Variants in ZCWPW2 observed in about 807,000 individuals in gnomAD.
ZCWPW2 encodes the protein zinc finger CW-type PWWP domain protein 2.
A neutral mutation model predicts 46.6 loss-of-function variants in ZCWPW2; 45 were observed. The ratio of observed to expected loss-of-function variants is 0.96; its 90% CI spans 0.76 to 1.24. ZCWPW2 has a LOEUF of 1.24. Ranked by LOEUF, ZCWPW2 falls within the 50% of genes most tolerant of loss-of-function variation. The pLI, the probability that ZCWPW2 is intolerant of heterozygous loss-of-function variation, is 0.00. For synonymous variants in ZCWPW2, 152 were observed against 137.1 expected (o/e 1.11, Z -0.76); for missense variants, 429 against 403.9 (o/e 1.06, Z -0.53).
intron 6 of ZCWPW2, among the ~76,000 whole-genome samples, chr3:28,505,235 G>T (rs1700244631): frequency 6.6e-6 from 1 of 152,118 alleles, no homozygotes; most frequent in Admixed American, 6.6e-5. Flanking sequence ...AATCCACAGT[G>T]CTTTATTGTA....
At chr3:28,483,227 C>A (rs1254282616) in intron 5 of ZCWPW2, among the ~76,000 whole-genome samples, 1 of 152,132 alleles carries the variant, frequency 6.6e-6, no homozygotes, top group Non-Finnish European at 1.5e-5. Context: ...TGTTCCTGCA[C>A]CACTGGTTGA....
At chr3:28,507,821 T>C (rs986091984) in intron 6 of ZCWPW2, among the ~76,000 whole-genome samples, 3 of 152,174 alleles carry the variant, frequency 2.0e-5, no homozygotes, top group Non-Finnish European at 4.4e-5. Context: ...ACTATATTTT[T>C]TCTGCTTTAT....
At position 28,492,056 on chromosome 3, in the gene ZCWPW2, T is replaced by A. The variant is rs184123335; in HGVS notation, c.611-71T>A. 3.5e-6 allele frequency: 5 copies of A among 1,424,576 alleles called. No homozygotes were observed. In the African/African-American group the frequency reaches 7.1e-5, roughly 20 times the overall value. The allele number at this position is 1,424,576 out of a possible 1,614,324, so 88.2% of individuals were successfully genotyped here. A position where few individuals can be genotyped will look rare whatever the true frequency, so the allele number is the denominator to read the frequency against. ...ATGAGAAAGTAGAAAATTCTAATTG[T>A]GTAATTCAGTATTTATTTGAACAGG... On this transcript the variant is annotated intron_variant, in intron 5 of 9. Transcript: ENST00000383768.
intron 6 of ZCWPW2, among the ~76,000 whole-genome samples, chr3:28,497,007 T>C (rs1209813965): frequency 1.3e-5 from 2 of 150,186 alleles, no homozygotes; most frequent in South Asian, 2.1e-4. Flanking sequence ...CATTATATAA[T>C]ACATTATTTA....
intron 2 of ZCWPW2, among the ~76,000 whole-genome samples, chr3:28,391,376 CAT>C (rs1045170446): frequency 8.6e-5 from 8 of 92,726 alleles, no homozygotes; most frequent in South Asian, 8.5e-4. Flanking sequence ...CACACACACA[CAT>C]GCACACACAC....
chr3:28,465,509 C>T (rs930133014), intron 4 of ZCWPW2, among the ~76,000 whole-genome samples: 1 of 151,980 alleles, frequency 6.6e-6, no homozygotes, highest in Non-Finnish European at 1.5e-5. Flanking sequence ...CAACATCTCA[C>T]GAAAAGAACA....
chr3:28,520,907 TCTTCTTTC>T, intron 8 of ZCWPW2, 77 bp from the exon 9 acceptor site: 1 of 1,502,544 alleles, frequency 6.7e-7, no homozygotes, highest in Non-Finnish European at 9.1e-7. Context: ...TTAAAAGATT[TCTTCTTTC>T]TGGGTAGTTA....
chr3:28,399,747 G>T (rs1559488833), intron 2 of ZCWPW2, among the ~76,000 whole-genome samples: 1 of 152,136 alleles, frequency 6.6e-6, no homozygotes, highest in Non-Finnish European at 1.5e-5. Flanking sequence ...CTACATCAAG[G>T]TAATACCCCA....
chr3:28,499,868 T>A (rs571401096), intron 6 of ZCWPW2, among the ~76,000 whole-genome samples: 2 of 152,144 alleles, frequency 1.3e-5, no homozygotes, highest in Non-Finnish European at 2.9e-5. Context: ...TTTGTTGATA[T>A]GTTACAAACA....
chr3:28,469,720 A>C (rs1698967066), intron 4 of ZCWPW2, among the ~76,000 whole-genome samples: 1 of 151,416 alleles, frequency 6.6e-6, no homozygotes, highest in South Asian at 2.1e-4. Flanking sequence ...GTGTATATAT[A>C]TATGATATAT....
At chr3:28,411,473 A>C (rs1696396361) in intron 2 of ZCWPW2, among the ~76,000 whole-genome samples, 1 of 152,140 alleles carries the variant, frequency 6.6e-6, no homozygotes, top group African/African-American at 2.4e-5. Context: ...ATTAGAAAAA[A>C]AAAAATCTAC....
intron 4 of ZCWPW2, among the ~76,000 whole-genome samples, chr3:28,468,044 T>C (rs1014009213): frequency 5.3e-5 from 8 of 152,140 alleles, no homozygotes; most frequent in African/African-American, 1.9e-4. Context: ...ATAGCTGTTT[T>C]GAGGAACTCA....
At chr3:28,490,391 T>C (rs1480762310) in intron 5 of ZCWPW2, among the ~76,000 whole-genome samples, 4 of 152,184 alleles carry the variant, frequency 2.6e-5, no homozygotes, top group African/African-American at 9.7e-5. Context: ...GCAGCACTAT[T>C]TTCAATAGCA....
intron 4 of ZCWPW2, among the ~76,000 whole-genome samples, chr3:28,451,756 A>G (rs1698233902): frequency 6.6e-6 from 1 of 152,234 alleles, no homozygotes; most frequent in South Asian, 2.1e-4. Flanking sequence ...TTATAGCTTC[A>G]TCATCTGGCA....
chr3:28,432,881 A>G (rs184063640), intron 3 of ZCWPW2, among the ~76,000 whole-genome samples: 75 of 152,292 alleles, frequency 4.9e-4, no homozygotes, highest in Non-Finnish European at 4.9e-4. Context: ...GTTTTATTTC[A>G]CTGAAAGCAC....
intron 1 of ZCWPW2, among the ~76,000 whole-genome samples, chr3:28,349,933 T>G (rs1283174943): frequency 1.3e-5 from 2 of 152,194 alleles, no homozygotes; most frequent in Non-Finnish European, 2.9e-5. Flanking sequence ...TTTTATTGTC[T>G]TTTTTGGTTT....
chr3:28,357,011 AAAG>A (rs1459700572), intron 1 of ZCWPW2, among the ~76,000 whole-genome samples: 2 of 152,228 alleles, frequency 1.3e-5, no homozygotes, highest in African/African-American at 4.8e-5. Flanking sequence ...AATTGAAAAA[AAAG>A]AAAAAAATAA....
intron 2 of ZCWPW2, among the ~76,000 whole-genome samples, chr3:28,412,366 G>C (rs1318827540): frequency 1.3e-5 from 2 of 151,848 alleles, no homozygotes; most frequent in Admixed American, 1.3e-4. Flanking sequence ...AACTATATGA[G>C]ATTTATTTAA....
intron 3 of ZCWPW2, 113 bp from the exon 4 acceptor site, chr3:28,434,997 T>C (rs1697423737): frequency 9.2e-7 from 1 of 1,091,386 alleles, no homozygotes; most frequent in Non-Finnish European, 1.3e-6. Flanking sequence ...GAATATATGT[T>C]TTGTGAAAAG....
Sources: allele counts gnomAD v4.1 joint callset (sites outside exome capture counted in the v4.1 genomes callset), GRCh38; gene constraint gnomAD v4.1.1; transcripts MANE v1.5; gene names NCBI Gene and HGNC (gene_info 2026-07-23, HGNC 2026-07-21).